Variants in CCDC33 observed in about 807,000 individuals in gnomAD.
The protein encoded by CCDC33 is coiled-coil domain containing 33.
Under a neutral mutation model 91.9 loss-of-function variants are expected in CCDC33, and 94 were observed. The ratio of observed to expected loss-of-function variants is 1.02; its 90% confidence interval spans 0.87 to 1.21. The LOEUF (loss-of-function observed/expected upper bound fraction) is 1.21. Among genes scored for constraint, CCDC33 ranks in the 50% most tolerant of loss-of-function variants. CCDC33 has a pLI of 0.00. For missense variants in CCDC33, 940 were observed against 935.5 expected, an observed-to-expected ratio of 1.00 and a Z score of -0.06; for synonymous variants, 396 against 374.5, an observed-to-expected ratio of 1.06 and a Z score of -0.66.
intron 11 of CCDC33, among the ~76,000 whole-genome samples, chr15:74,305,370 C>G (rs370650613): frequency 6.6e-6 from 1 of 152,234 alleles, no homozygotes; most frequent in African/African-American, 2.4e-5. Flanking sequence ...TGCTGGAAGC[C>G]TCCATTTCTG....
chr15:74,225,714 AT>A (rs2074774277), intron 2 of CCDC33, among the ~76,000 whole-genome samples: 1 of 152,174 alleles, frequency 6.6e-6, no homozygotes, highest in Admixed American at 6.5e-5. Context: ...GACATGGCAT[AT>A]GTGATATATG....
At chr15:74,286,247 AAAACAAAAACAAAC>A (rs1486842329) in intron 10 of CCDC33, among the ~76,000 whole-genome samples, 4 of 152,134 alleles carry the variant, frequency 2.6e-5, no homozygotes, top group Non-Finnish European at 4.4e-5. Context: ...CTGTGTCTCA[AAAACAAAAACAAAC>A]AAACAAAAAA....
chr15:74,243,474 G>A (rs994226786), intron 1 of CCDC33, among the ~76,000 whole-genome samples: 1 of 152,240 alleles, frequency 6.6e-6, no homozygotes, highest in African/African-American at 2.4e-5. Context: ...TGCAGGAAGG[G>A]TAGGATCCAG....
Position 74,279,943 on chromosome 15 carries a change from C to G in CCDC33, c.760-20C>G. Reference sequence around the variant, plus strand: ...GAGAAGCTGTGGCCCCCACCACCTGCTCCTACCCTCTCCCTCCAGCTGTCC... The same window carrying G: ...GAGAAGCTGTGGCCCCCACCACCTGGTCCTACCCTCTCCCTCCAGCTGTCC... On this transcript the variant is annotated intron_variant, in intron 7 of 18. Coordinates refer to ENST00000398814, the MANE Select transcript of CCDC33 (RefSeq NM_025055.5). The G allele has an allele frequency of 6.2e-7, 1 of 1,612,680 alleles. No homozygotes were observed.
intron 10 of CCDC33, among the ~76,000 whole-genome samples, chr15:74,290,559 G>A (rs1239123960): frequency 6.6e-6 from 1 of 152,210 alleles, no homozygotes; most frequent in Non-Finnish European, 1.5e-5. Flanking sequence ...GTCAGGGCAA[G>A]CATCACAGAA....
intron 2 of CCDC33, among the ~76,000 whole-genome samples, chr15:74,245,050 C>T (rs2075477430): frequency 6.6e-6 from 1 of 152,184 alleles, no homozygotes; most frequent in Admixed American, 6.5e-5. Flanking sequence ...TTCAAAGCCT[C>T]CTCCTCCAGG....
chr15:74,330,678 A>T lies in CCDC33; in HGVS notation c.1472A>T (p.Lys491Ile), dbSNP rs2060412902. Residue 491 changes from lysine to isoleucine, a missense_variant, in exon 13 of 19, where the codon AAA becomes ATA. Lys to Ile is a moderately radical substitution (Grantham distance 102). Coordinates refer to ENST00000398814, the MANE Select transcript of CCDC33 (RefSeq NM_025055.5). ...EAQNTVSMKQKLLLSELDMKK... is the reference protein window; with the variant it reads ...EAQNTVSMKQILLLSELDMKK... The stretch of plus-strand genomic sequence containing the variant: ...CACCTAACAGTGTCCATGAAGCAGA[A>T]ACTGCTGCTGAGTGAGCTGGATATG... The T allele has an allele frequency of 5.6e-6, 9 of 1,613,566 alleles. No individual in the cohort carries two copies. Among genetic ancestry groups the T allele is most frequent in the Non-Finnish European group, 6.8e-6 (8 of 1,179,950 alleles).
intron 4 of CCDC33, 54 bp from the exon 5 acceptor site, chr15:74,268,288 T>C: frequency 5.5e-6 from 7 of 1,274,790 alleles, no homozygotes; most frequent in Non-Finnish European, 8.0e-6. Context: ...GGCCAGGATC[T>C]GCCCCTTAGA....
rs1434436009 is a variant in CCDC33 at position 74,332,722 on chromosome 15, G to A, written c.1815G>A (p.Met605Ile). Residue 605 changes from methionine (M) to isoleucine (I), a missense_variant, in exon 16 of 19, where the codon ATG becomes ATA. By Grantham distance (10) the Met-to-Ile change is conservative. Coordinates refer to ENST00000398814, the MANE Select transcript of CCDC33 (RefSeq NM_025055.5). ...LSASGLPLGS[M>I]GENLPVELYS... ...CCTCTGGCCTTCCCTTGGGTTCTAT[G>A]GGAGAGAACCTGCCGGTTGAACTTT... The A allele has an allele frequency of 1.2e-6, 2 of 1,614,058 alleles. No individual in the cohort carries two copies. The highest frequency in any genetic ancestry group is 1.3e-5 in the African/African-American group (1 of 74,926).
At chr15:74,219,904 GCC>G (rs1181908424) in intron 2 of CCDC33, among the ~76,000 whole-genome samples, 1 of 152,154 alleles carries the variant, frequency 6.6e-6, no homozygotes, top group East Asian at 1.9e-4. Context: ...AGAGATTGGA[GCC>G]AGAAGTTGAC....
chr15:74,215,874 CA>C (rs55927800), upstream of CCDC33, among the ~76,000 whole-genome samples: 1,896 of 27,916 alleles, frequency 0.068, 29 homozygotes, highest in Non-Finnish European at 0.12. Flanking sequence ...TCGATCTCAC[CA>C]AAAAAAAAAA....
At chr15:74,302,960 C>T (rs2059823172) in intron 11 of CCDC33, 1 of 152,434 alleles carries the variant, frequency 6.6e-6, no homozygotes, top group Admixed American at 6.5e-5. Flanking sequence ...CCTGAGTGCC[C>T]TGAGGCTCCT....
At chr15:74,254,385 G>A (rs1278908466) in intron 2 of CCDC33, among the ~76,000 whole-genome samples, 1 of 152,166 alleles carries the variant, frequency 6.6e-6, no homozygotes, top group Non-Finnish European at 1.5e-5. Flanking sequence ...TGTAAAATCA[G>A]CCAAGTTTTA....
In CCDC33 at chr15:74,331,268, G is replaced by T; in HGVS notation, c.1743G>T (p.Leu581=). Residue 581 remains leucine (L), a synonymous_variant, in exon 15 of 19, where the codon CTG becomes CTT. Coordinates refer to ENST00000398814, the MANE Select transcript of CCDC33 (RefSeq NM_025055.5). The part of the protein sequence containing the change: ...RLQDRSKPPP[L]NRQQGKPYTG... ...AGGACAGGAGCAAGCCCCCTCCTCT[G>T]AACAGGCAGCAGGGAAAGCCCTACA... is the stretch of plus-strand genomic sequence containing the variant. 6.2e-7 allele frequency: 1 copy of T among 1,614,104 alleles called. No individual in the cohort carries two copies. Among genetic ancestry groups the T allele is most frequent in the Non-Finnish European group, 8.5e-7 (1 of 1,179,978 alleles).
chr15:74,225,487 A>G (rs1247429436), intron 2 of CCDC33, among the ~76,000 whole-genome samples: 1 of 151,498 alleles, frequency 6.6e-6, no homozygotes, highest in African/African-American at 2.4e-5. Context: ...ACATACGTGA[A>G]TATACACAGA....
chr15:74,291,714 T>G (rs1032200620), intron 10 of CCDC33, among the ~76,000 whole-genome samples: 2 of 152,228 alleles, frequency 1.3e-5, no homozygotes, highest in African/African-American at 2.4e-5. Context: ...CTGGAACTGC[T>G]GCATTTTGCA....
intron 1 of CCDC33, among the ~76,000 whole-genome samples, chr15:74,206,855 G>A (rs911880572): frequency 1.3e-4 from 20 of 152,234 alleles, no homozygotes; most frequent in East Asian, 7.7e-4. Context: ...ATGAACCCAC[G>A]TGGGCACTCA....
chr15:74,335,826 C>A (rs1248000666), intron 18 of CCDC33, 99 bp from the exon 19 acceptor site: 1 of 912,730 alleles, frequency 1.1e-6, no homozygotes, highest in Non-Finnish European at 1.7e-6. Context: ...CCACTGGATT[C>A]TGGATACTCT....
chr15:74,211,623 C>T (rs1013663842), intron 2 of CCDC33, among the ~76,000 whole-genome samples: 12 of 152,052 alleles, frequency 7.9e-5, no homozygotes, highest in African/African-American at 2.4e-4. Context: ...AGGCTGGTCT[C>T]GAACTCCTAA....
Sources: allele counts gnomAD v4.1 joint callset (sites outside exome capture counted in the v4.1 genomes callset), GRCh38; gene constraint gnomAD v4.1.1; transcripts MANE v1.5; gene names NCBI Gene and HGNC (gene_info 2026-07-23, HGNC 2026-07-21).